Variants in MAD1L1 observed in about 807,000 individuals in gnomAD.
MAD1L1 encodes mitotic arrest deficient 1 like 1, also known as mitotic spindle assembly checkpoint protein MAD1.
A neutral mutation model predicts 96.9 loss-of-function variants in MAD1L1; 95 were observed. The observed-to-expected ratio is 0.98, with a 90% CI of 0.83 to 1.16. The LOEUF is 1.16. Ranked by LOEUF, MAD1L1 falls within the 50% of genes most tolerant of loss-of-function variation. MAD1L1 has a pLI of 0.00. For synonymous variants in MAD1L1, 473 were observed against 396.6 expected, an observed-to-expected ratio of 1.19 and a Z score of -2.29; for missense variants, 1,007 against 954.4, an observed-to-expected ratio of 1.06 and a Z score of -0.73.
chr7:1,854,880 C>G (rs750492590), intron 18 of MAD1L1, among the ~76,000 whole-genome samples: 45 of 152,352 alleles, frequency 3.0e-4, no homozygotes, highest in Admixed American at 9.8e-4. Flanking sequence ...GTGCCAGGCC[C>G]CAGGCAGGCC....
At position 1,968,922 on chromosome 7, in the gene MAD1L1, AAGGGCTGGAGAC is replaced by A. The variant is rs774409188; in HGVS notation, c.1506-11215_1506-11204del. Among the ~76,000 whole-genome samples, 4 of 152,200 alleles carry A rather than the reference AAGGGCTGGAGAC, an allele frequency of 2.6e-5. No homozygotes were observed. Among genetic ancestry groups the A allele is most frequent in the Non-Finnish European group, 4.4e-5 (3 of 68,034 alleles). Reference sequence around the variant, plus strand: ...GCAGGAAAGCCTGGTGGATCCAAACAAGGGCTGGAGACAGGCCCAGAGTCACACGCCGGTGAC... The same window carrying A: ...GCAGGAAAGCCTGGTGGATCCAAACAAGGCCCAGAGTCACACGCCGGTGAC... On this transcript the variant is annotated intron_variant, in intron 15 of 18. Transcript: ENST00000265854. The surrounding 1 kb of genome is among the most constrained non-coding windows in gnomAD (Gnocchi z 5.6).
At chr7:1,965,129 C>A (rs1292731301) in intron 15 of MAD1L1, among the ~76,000 whole-genome samples, 13 of 152,220 alleles carry the variant, frequency 8.5e-5, no homozygotes. Flanking sequence ...CATTGATGAC[C>A]ATTTCCCTTG....
At chr7:2,124,403 C>T (rs772820681) in intron 11 of MAD1L1, among the ~76,000 whole-genome samples, 1 of 152,210 alleles carries the variant, frequency 6.6e-6, no homozygotes, top group Non-Finnish European at 1.5e-5. Context: ...GAAGAGCAGG[C>T]TCCCCCAGGA....
chr7:1,899,854 C>A (rs1440747132), intron 17 of MAD1L1, among the ~76,000 whole-genome samples: 1 of 152,146 alleles, frequency 6.6e-6, no homozygotes, highest in African/African-American at 2.4e-5. Context: ...TGAGCAGGGA[C>A]AGGGGAGCCA....
At chr7:2,080,330 C>T (rs1264035191) in intron 11 of MAD1L1, among the ~76,000 whole-genome samples, 1 of 152,226 alleles carries the variant, frequency 6.6e-6, no homozygotes, top group Admixed American at 6.5e-5. Flanking sequence ...TATACCACTA[C>T]CCTATACCAC....
At chr7:1,895,393 C>A (rs1295399991) in intron 18 of MAD1L1, among the ~76,000 whole-genome samples, 1 of 152,220 alleles carries the variant, frequency 6.6e-6, no homozygotes, top group Non-Finnish European at 1.5e-5. Context: ...CACCAGCCCA[C>A]AAGCTCACCT....
At chr7:2,007,881 T>G (rs1425349482) in intron 13 of MAD1L1, among the ~76,000 whole-genome samples, 1 of 152,196 alleles carries the variant, frequency 6.6e-6, no homozygotes. Context: ...GGATAGAGAA[T>G]TATTTTGTAA....
chr7:2,020,310 G>A lies in MAD1L1; in HGVS notation c.1219-5668C>T, dbSNP rs145187424. Among the ~76,000 whole-genome samples, 406 of 152,274 alleles carry A rather than the reference G, an allele frequency of 2.7e-3. 4 individuals carry two copies. The highest frequency in any genetic ancestry group is 9.2e-3 in the African/African-American group (382 of 41,572). On this transcript the variant is annotated intron_variant, in intron 12 of 18. Coordinates refer to ENST00000265854, the MANE Select transcript of MAD1L1 (RefSeq NM_001013836.2). ...CCGGAAGGAGGAACTCACGAGGCCC[G>A]AGATTGCTATCCACAGCCCCAGCGT...
chr7:2,045,778 G>A (rs905200744), intron 12 of MAD1L1, among the ~76,000 whole-genome samples: 1 of 152,170 alleles, frequency 6.6e-6, no homozygotes, highest in African/African-American at 2.4e-5. Flanking sequence ...TTTCTCACCT[G>A]AGGAGCCCAG....
chr7:2,093,713 C>T (rs1303947043), intron 11 of MAD1L1, among the ~76,000 whole-genome samples: 1 of 152,160 alleles, frequency 6.6e-6, no homozygotes, highest in Admixed American at 6.5e-5. Context: ...AAGACAGCTC[C>T]GTCTCATCCA....
At chr7:1,873,066 C>A (rs1160668548) in intron 18 of MAD1L1, among the ~76,000 whole-genome samples, 1 of 152,266 alleles carries the variant, frequency 6.6e-6, no homozygotes, top group Non-Finnish European at 1.5e-5. Flanking sequence ...ACGAGTCACA[C>A]AGGGAAGGGC....
intron 16 of MAD1L1, among the ~76,000 whole-genome samples, chr7:1,952,575 G>A (rs1779548003): frequency 2.8e-5 from 1 of 36,038 alleles, no homozygotes; most frequent in African/African-American, 4.4e-5. Context: ...GCAGCGCCTG[G>A]CACAGAGGTG....
At chr7:2,032,147 C>G (rs954422714) in intron 12 of MAD1L1, among the ~76,000 whole-genome samples, 2 of 152,192 alleles carry the variant, frequency 1.3e-5, no homozygotes, top group Admixed American at 1.3e-4. Context: ...TCATGCGGGA[C>G]GCCCGGCCCC....
chr7:1,847,989 T>G (rs1324835693), intron 18 of MAD1L1: 1 of 348,186 alleles, frequency 2.9e-6, no homozygotes, highest in Non-Finnish European at 5.7e-6. Flanking sequence ...CTGACCACAC[T>G]GGTTTTCAAA....
chr7:1,953,300 T>C (rs1417530712), intron 16 of MAD1L1, among the ~76,000 whole-genome samples: 1 of 152,222 alleles, frequency 6.6e-6, no homozygotes, highest in Non-Finnish European at 1.5e-5. Flanking sequence ...ACAGATGCAC[T>C]TATTTAAACG....
At position 1,923,330 on chromosome 7, in the gene MAD1L1, G is replaced by A. The variant is rs530251259; in HGVS notation, c.1807+13357C>T. Among the ~76,000 whole-genome samples the A allele has an allele frequency of 3.3e-5, 5 of 152,322 alleles. No individual in the cohort carries two copies. The South Asian group carries it at 8.3e-4, about 25-fold the overall frequency. The stretch of plus-strand genomic sequence containing the variant: ...TGGACTTGGGGACCCCTAAAACCTG[G>A]GAGTGAGCACAAGACGCACACAGCT... On this transcript the variant is annotated intron_variant, in intron 17 of 18. Transcript: ENST00000265854.
At chr7:2,230,280 ATTC>A in intron 2 of MAD1L1, 137 bp from the exon 3 acceptor site, 1 of 590,290 alleles carries the variant, frequency 1.7e-6, no homozygotes, top group Middle Eastern at 4.2e-4. Flanking sequence ...CTGTAACCAC[ATTC>A]TTCAATGGCA....
At chr7:2,075,761 C>T (rs1785344820) in intron 11 of MAD1L1, among the ~76,000 whole-genome samples, 2 of 152,218 alleles carry the variant, frequency 1.3e-5, no homozygotes, top group South Asian at 4.1e-4. Context: ...CACAATGTAT[C>T]CCAAAGTGGC....
chr7:1,930,728 G>A (rs1056955379), intron 17 of MAD1L1, among the ~76,000 whole-genome samples: 1 of 151,378 alleles, frequency 6.6e-6, no homozygotes, highest in Non-Finnish European at 1.5e-5. Flanking sequence ...GGTGTGAGGG[G>A]ACTCCCCTGG....
Sources: allele counts gnomAD v4.1 joint callset (sites outside exome capture counted in the v4.1 genomes callset), GRCh38; gene constraint gnomAD v4.1.1; non-coding constraint Gnocchi (gnomAD v3.1); transcripts MANE v1.5; gene names NCBI Gene and HGNC (gene_info 2026-07-23, HGNC 2026-07-21).